Variants in ACYP2 observed in about 807,000 individuals in gnomAD.
ACYP2 encodes acylphosphatase-2.
In ACYP2, 12 loss-of-function variants were observed where a neutral mutation model predicts 11.2. That is an observed-to-expected ratio of 1.08 (90% CI 0.69 to 1.74). The LOEUF is 1.74. Among genes scored for constraint, ACYP2 ranks in the 40% most tolerant of loss-of-function variants. The probability of loss-of-function intolerance (pLI) is 0.00; values close to 1 mark genes in which losing one functional copy is unlikely to be tolerated. For synonymous variants in ACYP2, 43 were observed against 32.2 expected, an observed-to-expected ratio of 1.33 and a Z score of -1.13; for missense variants, 134 against 101.9, an observed-to-expected ratio of 1.31 and a Z score of -1.35.
intron 6 of ACYP2, chr2:54,141,756 A>G (rs1332152839): frequency 6.9e-6 from 3 of 436,656 alleles, no homozygotes; most frequent in Non-Finnish European, 1.2e-5. Flanking sequence ...ACTTTTACCT[A>G]TTTAACTGGA....
intron 1 of ACYP2, among the ~76,000 whole-genome samples, chr2:53,972,845 C>G (rs1671239236): frequency 6.6e-6 from 1 of 152,324 alleles, no homozygotes; most frequent in East Asian, 1.9e-4. Flanking sequence ...ATAAAGAACA[C>G]AGCAGAAACA....
intron 6 of ACYP2, among the ~76,000 whole-genome samples, chr2:54,169,280 GGTCT>G (rs1309366606): frequency 3.9e-5 from 6 of 152,092 alleles, no homozygotes; most frequent in Admixed American, 1.3e-4. Flanking sequence ...CTCTTTGTTA[GGTCT>G]GTCTGATTTT....
chr2:54,116,945 T>C (rs1212402099), intron 4 of ACYP2, among the ~76,000 whole-genome samples: 2 of 152,110 alleles, frequency 1.3e-5, no homozygotes, highest in Non-Finnish European at 2.9e-5. Context: ...TGACTCAGGA[T>C]GATTCAGGTC....
At chr2:54,054,514 G>A (rs971793888) in intron 3 of ACYP2, among the ~76,000 whole-genome samples, 1 of 152,076 alleles carries the variant, frequency 6.6e-6, no homozygotes, top group African/African-American at 2.4e-5. Flanking sequence ...CAAACAATGG[G>A]TCATTTTTGT....
chr2:54,034,559 T>C (rs1573568729), intron 2 of ACYP2, among the ~76,000 whole-genome samples: 1 of 152,184 alleles, frequency 6.6e-6, no homozygotes, highest in Admixed American at 6.5e-5. Flanking sequence ...ACCATCTAGG[T>C]TTGCGTAAGT....
chr2:54,305,015 G>T lies in ACYP2; in HGVS notation c.*213G>T. 2.9e-6 allele frequency: 1 copy of T among 348,172 alleles called. No individual in the cohort carries two copies. The highest frequency in any genetic ancestry group is 4.5e-5 in the East Asian group (1 of 22,300). The allele number at this position is 348,172 out of a possible 1,614,324, so 21.6% of individuals were successfully genotyped here. On this transcript the variant is annotated 3_prime_UTR_variant, in exon 7 of 7. Coordinates refer to ENST00000607452, the MANE Select transcript of ACYP2 (RefSeq NM_001320586.2). ...AAATATAGTATTCTAAGATTAAAAT[G>T]TCATTACAAAATATTTAGTGTGAAC...
rs539312508 is a variant in ACYP2, at chr2:54,076,164, C to G, written c.277+18804C>G. On this transcript the variant is annotated intron_variant, in intron 4 of 6. Coordinates refer to ENST00000607452, the MANE Select transcript of ACYP2 (RefSeq NM_001320586.2). ...GTAAAATATTAAATCTGGTGGGGAG[C>G]TTATGTAAGTGTAAAGAAAGTATTC... Among the ~76,000 whole-genome samples, 4 of 152,140 alleles carry G rather than the reference C, an allele frequency of 2.6e-5. No individual in the cohort carries two copies. In the East Asian group the frequency reaches 7.7e-4, roughly 29 times the overall value.
intron 4 of ACYP2, among the ~76,000 whole-genome samples, chr2:54,078,410 C>T (rs1331538558): frequency 6.6e-5 from 5 of 75,832 alleles, no homozygotes; most frequent in Non-Finnish European, 1.3e-4. Flanking sequence ...TATATGCGTA[C>T]CATATATGGT....
At chr2:54,212,250 T>C (rs1036807655) in intron 6 of ACYP2, among the ~76,000 whole-genome samples, 1 of 152,204 alleles carries the variant, frequency 6.6e-6, no homozygotes, top group African/African-American at 2.4e-5. Context: ...GCTAATTTCA[T>C]TGACTAATAC....
At chr2:54,255,857 C>G in intron 6 of ACYP2, 2 of 1,614,048 alleles carry the variant, frequency 1.2e-6, no homozygotes, top group East Asian at 4.5e-5. Context: ...GAGGCCGCTT[C>G]TAGGCCCTCC....
chr2:54,275,442 C>T (rs2104097271), intron 6 of ACYP2, among the ~76,000 whole-genome samples: 1 of 152,280 alleles, frequency 6.6e-6, no homozygotes, highest in Non-Finnish European at 1.5e-5. Context: ...ATGCTGGCAA[C>T]AGTCTTTAAT....
chr2:54,011,248 C>T (rs949723359), intron 2 of ACYP2, among the ~76,000 whole-genome samples: 8 of 152,048 alleles, frequency 5.3e-5, no homozygotes, highest in South Asian at 4.1e-4. Flanking sequence ...CTTTCAGTCC[C>T]GGGAGCTCCT....
At chr2:54,174,778 A>T (rs1683367052) in intron 6 of ACYP2, among the ~76,000 whole-genome samples, 1 of 152,186 alleles carries the variant, frequency 6.6e-6, no homozygotes, top group African/African-American at 2.4e-5. Context: ...ATCTATTGAG[A>T]TAATCATGTG....
chr2:54,112,203 A>C (rs1044378950), intron 4 of ACYP2, among the ~76,000 whole-genome samples: 2 of 152,218 alleles, frequency 1.3e-5, no homozygotes, highest in African/African-American at 4.8e-5. Context: ...CCTAGATCAC[A>C]AACCAATTGT....
chr2:54,104,983 C>T (rs930851229), intron 4 of ACYP2, among the ~76,000 whole-genome samples: 2 of 152,124 alleles, frequency 1.3e-5, no homozygotes, highest in Non-Finnish European at 2.9e-5. Flanking sequence ...GTATTCCCTT[C>T]GAAGCCTACA....
intron 2 of ACYP2, among the ~76,000 whole-genome samples, chr2:54,025,763 A>C (rs13401491): frequency 0.095 from 14,411 of 152,216 alleles, 931 homozygotes; most frequent in African/African-American, 0.18. Flanking sequence ...ATTAAACTAA[A>C]AAGCTTCTGC....
chr2:54,177,765 G>T (rs1683524973), intron 6 of ACYP2, among the ~76,000 whole-genome samples: 3 of 151,876 alleles, frequency 2.0e-5, no homozygotes, highest in South Asian at 4.1e-4. Flanking sequence ...TTTTAGTAGA[G>T]ACAGGGTTTT....
chr2:54,011,355 T>A (rs1673363104), intron 2 of ACYP2, among the ~76,000 whole-genome samples: 1 of 152,202 alleles, frequency 6.6e-6, no homozygotes, highest in Non-Finnish European at 1.5e-5. Context: ...ACGTTCTCTC[T>A]CCTGCTGTTC....
intron 6 of ACYP2, among the ~76,000 whole-genome samples, chr2:54,300,567 T>C (rs532676094): frequency 2.6e-5 from 4 of 152,342 alleles, no homozygotes; most frequent in African/African-American, 9.6e-5. Context: ...AAGGTCTTCA[T>C]TGAGACTGCA....
Sources: gnomAD v4.1 joint callset for allele counts (sites outside exome capture counted in the v4.1 genomes callset) on GRCh38, gnomAD v4.1.1 for gene constraint, MANE v1.5 for transcripts, NCBI Gene and HGNC (gene_info 2026-07-23, HGNC 2026-07-21) for gene names.